PRTG: variants seen among roughly 807,000 people sequenced by gnomAD.
The protein encoded by PRTG is protogenin.
In PRTG, 67 loss-of-function variants were observed where a neutral mutation model predicts 122.5. That is an observed-to-expected ratio of 0.55 (90% CI 0.45 to 0.67). The LOEUF (loss-of-function observed/expected upper bound fraction) is 0.67. PRTG is among the 30% of genes least tolerant of loss of function. The pLI, the probability that PRTG is intolerant of heterozygous loss-of-function variation, is 0.00. For missense variants in PRTG, 1,435 were observed against 1,415.4 expected (o/e 1.01, Z -0.22); for synonymous variants, 554 against 501.1 (o/e 1.11, Z -1.41).
At chr15:55,675,197 T>C (rs1426348548) in intron 9 of PRTG, among the ~76,000 whole-genome samples, 2 of 152,114 alleles carry the variant, frequency 1.3e-5, no homozygotes, top group Non-Finnish European at 2.9e-5. Context: ...ACTCAATATG[T>C]AACAGTCATT....
chr15:55,723,608 TAA>T (rs2030910425), intron 2 of PRTG, among the ~76,000 whole-genome samples: 1 of 151,896 alleles, frequency 6.6e-6, no homozygotes. Context: ...TAAGACAAAT[TAA>T]AAGAGATCCA....
chr15:55,729,168 C>T (rs1223281784), intron 2 of PRTG, among the ~76,000 whole-genome samples: 1 of 152,046 alleles, frequency 6.6e-6, no homozygotes, highest in East Asian at 1.9e-4. Context: ...TCTATCCACA[C>T]AATGTAATCT....
At position 55,641,212 on chromosome 15, in the gene PRTG, T is replaced by C. The variant is rs2059288604; in HGVS notation, c.2042-4A>G. On this transcript the variant is annotated splice_polypyrimidine_tract_variant and splice_region_variant and intron_variant, in intron 11 of 19. Transcript: ENST00000389286. ...ACATGATATTTTCTTCTGGGGTCTA[T>C]AAAGAAACCAATAGGAAATAATTAG... is the stretch of plus-strand genomic sequence containing the variant. 3 of 1,597,380 alleles carry C rather than the reference T, an allele frequency of 1.9e-6. No individual in the cohort carries two copies. The highest frequency in any genetic ancestry group is 1.1e-5 in the South Asian group (1 of 90,664).
intron 15 of PRTG, among the ~76,000 whole-genome samples, chr15:55,633,347 C>T (rs1164248594): frequency 1.3e-5 from 2 of 151,946 alleles, no homozygotes; most frequent in East Asian, 1.9e-4. Flanking sequence ...GTAGCTGGGA[C>T]TACAGGTGCA....
intron 2 of PRTG, among the ~76,000 whole-genome samples, chr15:55,686,580 C>A (rs1423215604): frequency 6.6e-6 from 1 of 152,140 alleles, no homozygotes; most frequent in Non-Finnish European, 1.5e-5. Flanking sequence ...AGGCCCTTAT[C>A]ATATCCTGTC....
chr15:55,720,846 T>C (rs1171488727), intron 2 of PRTG, among the ~76,000 whole-genome samples: 2 of 152,212 alleles, frequency 1.3e-5, no homozygotes. Context: ...TTTATGAATT[T>C]GTGTTGGGCT....
intron 13 of PRTG, 67 bp from the exon 14 acceptor site, chr15:55,638,743 A>G: frequency 1.4e-6 from 2 of 1,401,320 alleles, no homozygotes; most frequent in Non-Finnish European, 2.0e-6. Flanking sequence ...GAATGTCAGC[A>G]TTTCCAAATA....
chr15:55,698,636 G>A (rs533768552), intron 2 of PRTG, among the ~76,000 whole-genome samples: 16 of 152,270 alleles, frequency 1.1e-4, no homozygotes, highest in African/African-American at 3.9e-4. Context: ...AGAGGAGAGA[G>A]GAAGAGCCAC....
In PRTG at chr15:55,615,093, A is replaced by C. The variant is rs1473126840; in HGVS notation, c.*4919T>G. 2 of 152,148 alleles carry C rather than the reference A, an allele frequency of 1.3e-5. No homozygotes were observed. Among genetic ancestry groups the C allele is most frequent in the Non-Finnish European group, 2.9e-5 (2 of 67,990 alleles). The allele number at this position is 152,148 out of a possible 1,614,324, so 9.4% of individuals were successfully genotyped here. A position where few individuals can be genotyped will look rare whatever the true frequency, so the allele number is the denominator to read the frequency against. On this transcript the variant is annotated 3_prime_UTR_variant, in exon 20 of 20. Transcript: ENST00000389286. ...AGCTGGGGTTGGACAAAGAGAAATG[A>C]TAACGGAAGGAGCTTCAGAGAGATG...
intron 11 of PRTG, among the ~76,000 whole-genome samples, chr15:55,659,664 G>C (rs1434679995): frequency 6.6e-6 from 1 of 152,120 alleles, no homozygotes; most frequent in Non-Finnish European, 1.5e-5. Context: ...AGTGGTTCAC[G>C]CCTGTAATCC....
intron 11 of PRTG, among the ~76,000 whole-genome samples, chr15:55,657,458 C>T (rs2059386645): frequency 6.6e-6 from 1 of 152,130 alleles, no homozygotes; most frequent in Admixed American, 6.5e-5. Context: ...TCAACCAAAA[C>T]TCTGTAACTT....
In PRTG at chr15:55,641,198, T is replaced by A. The variant is rs1307135892; in HGVS notation, c.2052A>T (p.Arg684Ser). The change falls in exon 12 of 20, where the codon AGA becomes AGT. Residue 684 changes from arginine to serine, a missense_variant. Arg to Ser is a moderately radical substitution (Grantham distance 110). Coordinates refer to ENST00000389286, the MANE Select transcript of PRTG (RefSeq NM_173814.6). Reference sequence around the variant, plus strand: ...AAGCCAGGAGTCTCACATGATATTTTCTTCTGGGGTCTATAAAGAAACCAA... The same window carrying A: ...AAGCCAGGAGTCTCACATGATATTTACTTCTGGGGTCTATAAAGAAACCAA... ...LYTLSGLDPRRKYHVRLLAYN... is the reference protein window; with the variant it reads ...LYTLSGLDPRSKYHVRLLAYN... 1 of 1,611,328 alleles carries A rather than the reference T, an allele frequency of 6.2e-7. No homozygotes were observed. Among genetic ancestry groups the A allele is most frequent in the Non-Finnish European group, 8.5e-7 (1 of 1,177,628 alleles).
chr15:55,668,225 A>T (rs1171985294), intron 11 of PRTG, among the ~76,000 whole-genome samples: 2 of 152,250 alleles, frequency 1.3e-5, no homozygotes, highest in Non-Finnish European at 2.9e-5. Flanking sequence ...TTGGCAAAAT[A>T]AAAGCTAAAG....
chr15:55,725,719 A>G (rs1354807897), intron 2 of PRTG, among the ~76,000 whole-genome samples: 4 of 152,206 alleles, frequency 2.6e-5, no homozygotes, highest in Non-Finnish European at 4.4e-5. Context: ...AAAGGTTGAC[A>G]AAATGGATTT....
chr15:55,734,016 G>T (rs1226651276), intron 2 of PRTG, among the ~76,000 whole-genome samples: 8 of 152,180 alleles, frequency 5.3e-5, no homozygotes, highest in African/African-American at 1.7e-4. Flanking sequence ...TCTCAATCAG[G>T]AGTTATTTTG....
At chr15:55,689,304 T>C (rs2059587300) in intron 2 of PRTG, among the ~76,000 whole-genome samples, 1 of 152,202 alleles carries the variant, frequency 6.6e-6, no homozygotes, top group East Asian at 1.9e-4. Flanking sequence ...TGTCTCAGCA[T>C]CCATCCTTCT....
chr15:55,678,006 G>A lies in PRTG; in HGVS notation c.1172C>T (p.Ala391Val). The A allele has an allele frequency of 1.2e-6, 2 of 1,601,540 alleles. No homozygotes were observed. The highest frequency in any genetic ancestry group is 1.7e-6 in the Non-Finnish European group (2 of 1,169,804). The change falls in exon 8 of 20, where the codon GCT (alanine) becomes GTT (valine). Residue 391 changes from alanine to valine, a missense_variant. Coordinates refer to ENST00000389286, the MANE Select transcript of PRTG (RefSeq NM_173814.6). ...ATTCTCAGCCATGCACTGATAAATA[G>A]CATCATCTTCAGGAATAATCTGGTT... ...VINQIIPEDD[A>V]IYQCMAENSQ...
intron 9 of PRTG, among the ~76,000 whole-genome samples, chr15:55,674,433 T>TCA (rs2059490826): frequency 6.6e-6 from 1 of 152,132 alleles, no homozygotes; most frequent in South Asian, 2.1e-4. Flanking sequence ...AGAACAGACC[T>TCA]CACACACACA....
chr15:55,672,330 T>A (rs956988573), intron 11 of PRTG, 115 bp downstream of exon 11: 2 of 835,242 alleles, frequency 2.4e-6, no homozygotes, highest in Non-Finnish European at 3.8e-6. Context: ...CATAGTAAAA[T>A]CAATTCTTTT....
Sources: gnomAD v4.1 joint callset for allele counts (sites outside exome capture counted in the v4.1 genomes callset) on GRCh38, gnomAD v4.1.1 for gene constraint, MANE v1.5 for transcripts, NCBI Gene and HGNC (gene_info 2026-07-23, HGNC 2026-07-21) for gene names.